UBE2E2: variants seen among roughly 807,000 people sequenced by gnomAD.
The protein encoded by UBE2E2 is ubiquitin-conjugating enzyme E2 E2.
In UBE2E2, 6 loss-of-function variants were observed where a neutral mutation model predicts 24.7. The ratio of observed to expected loss-of-function variants is 0.24; its 90% CI spans 0.13 to 0.48. The LOEUF (loss-of-function observed/expected upper bound fraction) is 0.48, where lower values mean the gene tolerates loss of function less well. UBE2E2 is among the 20% of genes least tolerant of loss of function. The pLI, the probability that UBE2E2 is intolerant of heterozygous loss-of-function variation, is 0.99. For missense variants in UBE2E2, 169 were observed against 245.0 expected, an observed-to-expected ratio of 0.69 and a Z score of 2.07; for synonymous variants, 104 against 83.6, an observed-to-expected ratio of 1.24 and a Z score of -1.33.
At chr3:23,579,856 T>G (rs1405728304) in intron 5 of UBE2E2, among the ~76,000 whole-genome samples, 2 of 152,094 alleles carry the variant, frequency 1.3e-5, no homozygotes, top group African/African-American at 4.8e-5. Flanking sequence ...TGGGAGGAGG[T>G]CAAAATATCC....
intron 2 of UBE2E2, among the ~76,000 whole-genome samples, chr3:23,210,511 C>T (rs1008340197): frequency 6.6e-6 from 1 of 152,166 alleles, no homozygotes; most frequent in African/African-American, 2.4e-5. Context: ...TATGTGTGAA[C>T]ATGAGTTTTT....
At chr3:23,531,042 T>G (rs1354656639) in intron 4 of UBE2E2, among the ~76,000 whole-genome samples, 3 of 152,332 alleles carry the variant, frequency 2.0e-5, no homozygotes, top group African/African-American at 7.2e-5. Context: ...TATGTAGGTG[T>G]CATGGATTAT....
chr3:23,505,825 G>A (rs1575672886), intron 4 of UBE2E2, among the ~76,000 whole-genome samples: 1 of 151,914 alleles, frequency 6.6e-6, no homozygotes, highest in Admixed American at 6.6e-5. Flanking sequence ...AAATAGATGG[G>A]GTCTTCAGGT....
chr3:23,549,701 TG>T (rs140221452), intron 5 of UBE2E2, among the ~76,000 whole-genome samples: 39,174 of 151,944 alleles, frequency 0.26, 5,492 homozygotes, highest in East Asian at 0.36. Context: ...CCATATTAGC[TG>T]TGTTAGGTGT....
intron 4 of UBE2E2, among the ~76,000 whole-genome samples, chr3:23,517,219 A>T (rs535983738): frequency 2.6e-5 from 4 of 152,128 alleles, no homozygotes; most frequent in African/African-American, 9.7e-5. Flanking sequence ...TGGAATTTCT[A>T]TGAGTTTTAT....
At chr3:23,440,772 C>A (rs114180783) in intron 3 of UBE2E2, among the ~76,000 whole-genome samples, 135 of 152,070 alleles carry the variant, frequency 8.9e-4, no homozygotes, top group African/African-American at 3.0e-3. Flanking sequence ...CTGAGTTATT[C>A]TTTGACTTGG....
intron 3 of UBE2E2, among the ~76,000 whole-genome samples, chr3:23,329,955 A>G (rs4858500): frequency 0.37 from 55,631 of 152,136 alleles, 10,534 homozygotes; most frequent in Admixed American, 0.52. Context: ...CTGCTTCTGC[A>G]TTAAGTGGTA....
At chr3:23,505,248 C>T (rs1389461410) in intron 4 of UBE2E2, among the ~76,000 whole-genome samples, 2 of 151,986 alleles carry the variant, frequency 1.3e-5, no homozygotes, top group Non-Finnish European at 1.5e-5. Flanking sequence ...TGACTTACAT[C>T]CTCACTAAGG....
At chr3:23,419,280 G>A (rs1018817278) in intron 3 of UBE2E2, among the ~76,000 whole-genome samples, 1 of 152,074 alleles carries the variant, frequency 6.6e-6, no homozygotes, top group Admixed American at 6.6e-5. Context: ...ACAAACATTA[G>A]TTTTCTAATT....
At chr3:23,325,495 A>T (rs1442881545) in intron 3 of UBE2E2, among the ~76,000 whole-genome samples, 2 of 152,306 alleles carry the variant, frequency 1.3e-5, no homozygotes, top group Admixed American at 6.5e-5. Flanking sequence ...GTCCTTTAGT[A>T]TACAGAAAAC....
chr3:23,217,529 A>T (rs1696510190), intron 3 of UBE2E2, among the ~76,000 whole-genome samples: 1 of 152,126 alleles, frequency 6.6e-6, no homozygotes, highest in African/African-American at 2.4e-5. Context: ...GGAGTTGCCA[A>T]AAGTAGTGTA....
chr3:23,277,418 G>A (rs1241172098), intron 3 of UBE2E2, among the ~76,000 whole-genome samples: 1 of 152,060 alleles, frequency 6.6e-6, no homozygotes, highest in Non-Finnish European at 1.5e-5. Flanking sequence ...CAGGCTTCAA[G>A]GGTCAACGTT....
chr3:23,232,305 C>G (rs1248157850), intron 3 of UBE2E2, among the ~76,000 whole-genome samples: 1 of 152,170 alleles, frequency 6.6e-6, no homozygotes, highest in East Asian at 1.9e-4. Context: ...AATACTATTT[C>G]AAAATATCCA....
At position 23,583,345 on chromosome 3, in the gene UBE2E2, T is replaced by G. The variant is rs1467533136; in HGVS notation, c.509-6389T>G. Among the ~76,000 whole-genome samples the G allele has an allele frequency of 3.9e-5, 6 of 152,386 alleles. No homozygotes were observed. Among genetic ancestry groups the G allele is most frequent in the Middle Eastern group, 6.8e-3 (2 of 294 alleles). ...TGGTTACTATAGCCTTGTAGTATGC[T>G]TTGAAGTCAGGTCATGTGATGCTTC... On this transcript the variant is annotated intron_variant, in intron 5 of 5. Coordinates refer to ENST00000396703, the MANE Select transcript of UBE2E2 (RefSeq NM_152653.4). The surrounding 1 kb of genome is among the most constrained non-coding windows in gnomAD (Gnocchi z 4.1).
chr3:23,497,231 C>G (rs920507237), intron 3 of UBE2E2, among the ~76,000 whole-genome samples: 10 of 152,136 alleles, frequency 6.6e-5, no homozygotes, highest in African/African-American at 2.4e-4. Context: ...GGGACTACTT[C>G]CAGAATCACT....
intron 3 of UBE2E2, among the ~76,000 whole-genome samples, chr3:23,473,798 G>T (rs1439549197): frequency 6.6e-6 from 1 of 151,958 alleles, no homozygotes; most frequent in Non-Finnish European, 1.5e-5. Flanking sequence ...CTTTATCCAC[G>T]CATTGATTGT....
chr3:23,261,735 CTCACT>C (rs1697906440), intron 3 of UBE2E2, among the ~76,000 whole-genome samples: 1 of 152,090 alleles, frequency 6.6e-6, no homozygotes, highest in Non-Finnish European at 1.5e-5. Context: ...TTTTCTCTTT[CTCACT>C]TCACTTAGCA....
intron 3 of UBE2E2, among the ~76,000 whole-genome samples, chr3:23,296,723 G>A (rs990870254): frequency 1.3e-5 from 2 of 152,152 alleles, no homozygotes; most frequent in Admixed American, 6.5e-5. Flanking sequence ...GGACATTTAG[G>A]TTGGTTCCAA....
At chr3:23,346,726 C>T (rs1338037376) in intron 3 of UBE2E2, among the ~76,000 whole-genome samples, 3 of 152,080 alleles carry the variant, frequency 2.0e-5, no homozygotes, top group Non-Finnish European at 2.9e-5. Flanking sequence ...CCTTTCTTTT[C>T]GGTATGTTCC....
Sources: gnomAD v4.1 joint callset for allele counts (sites outside exome capture counted in the v4.1 genomes callset) on GRCh38, gnomAD v4.1.1 for gene constraint, Gnocchi (gnomAD v3.1) non-coding constraint, MANE v1.5 for transcripts, NCBI Gene and HGNC (gene_info 2026-07-23, HGNC 2026-07-21) for gene names.